GRAMD4: variants seen among roughly 807,000 people sequenced by gnomAD.
The protein encoded by GRAMD4 is GRAM domain containing 4.
Under a neutral mutation model 83.9 loss-of-function variants are expected in GRAMD4, and 25 were observed. That is an observed-to-expected ratio of 0.30 (90% CI 0.22 to 0.42). The LOEUF (loss-of-function observed/expected upper bound fraction) is 0.42. Among genes scored for constraint, GRAMD4 ranks in the 10% least tolerant of loss-of-function variants. GRAMD4 has a pLI of 1.00. For synonymous variants in GRAMD4, 336 were observed against 320.9 expected, an observed-to-expected ratio of 1.05 and a Z score of -0.50; for missense variants, 593 against 788.7, an observed-to-expected ratio of 0.75 and a Z score of 2.97.
At chr22:46,593,967 T>C (rs1035925473) in intron 1 of GRAMD4, among the ~76,000 whole-genome samples, 1 of 151,908 alleles carries the variant, frequency 6.6e-6, no homozygotes, top group Non-Finnish European at 1.5e-5. Context: ...TCAGGTGATC[T>C]GCCCGCCTCG....
intron 1 of GRAMD4, among the ~76,000 whole-genome samples, chr22:46,583,756 G>T (rs1013577538): frequency 6.6e-6 from 1 of 152,082 alleles, no homozygotes; most frequent in Admixed American, 6.5e-5. Context: ...TGTGGCCCGC[G>T]GCTACTGGTG....
intron 4 of GRAMD4, among the ~76,000 whole-genome samples, chr22:46,658,882 A>G (rs1189649004): frequency 6.8e-6 from 1 of 146,066 alleles, no homozygotes; most frequent in African/African-American, 2.6e-5. Flanking sequence ...GCATGTCTGC[A>G]CCTGACATCT....
chr22:46,587,836 A>T (rs2081165665), intron 1 of GRAMD4: 1 of 874,128 alleles, frequency 1.1e-6, no homozygotes, highest in Non-Finnish European at 1.4e-6. Context: ...GGTGGAGAGG[A>T]AGTGAAACAG....
chr22:46,653,227 C>T lies in GRAMD4; in HGVS notation c.284-4960C>T, dbSNP rs138219451. ...GCCCTGTCTGCAAGGCTGAGGGGGC[C>T]GTGCCGCCCGCTGCCCCGGGAGCCA... On this transcript the variant is annotated intron_variant, in intron 3 of 18. Coordinates refer to ENST00000406902, the MANE Select transcript of GRAMD4 (RefSeq NM_015124.5). Among the ~76,000 whole-genome samples, 111 of 152,342 alleles carry T rather than the reference C, an allele frequency of 7.3e-4. 1 individual carries two copies. The highest frequency in any genetic ancestry group is 2.3e-3 in the African/African-American group (97 of 41,578).
chr22:46,590,007 T>C (rs2081191200), intron 1 of GRAMD4, among the ~76,000 whole-genome samples: 1 of 152,232 alleles, frequency 6.6e-6, no homozygotes, highest in East Asian at 1.9e-4. Context: ...TGTCGCCTCC[T>C]GTAACTCCCA....
chr22:46,601,554 T>G (rs2147052373), intron 1 of GRAMD4, among the ~76,000 whole-genome samples: 1 of 152,260 alleles, frequency 6.6e-6, no homozygotes, highest in Non-Finnish European at 1.5e-5. Flanking sequence ...CTCAGCACTT[T>G]GGGAGGCTAA....
intron 9 of GRAMD4, 113 bp downstream of exon 9, chr22:46,665,819 G>C (rs932211184): frequency 4.6e-6 from 3 of 650,442 alleles, no homozygotes; most frequent in Non-Finnish European, 8.4e-6. Flanking sequence ...CTGACGTTTT[G>C]GGGGTGGTCC....
At position 46,626,939 on chromosome 22, in the gene GRAMD4, A is replaced by T; in HGVS notation, c.140A>T (p.Asp47Val). 1 of 1,613,732 alleles carries T rather than the reference A, an allele frequency of 6.2e-7. No homozygotes were observed. Among genetic ancestry groups the T allele is most frequent in the Non-Finnish European group, 8.5e-7 (1 of 1,179,646 alleles). The change falls in exon 2 of 19, where the codon GAC becomes GTC. Residue 47 changes from aspartate (D) to valine (V), a missense_variant. Physicochemically the swap from Asp to Val is radical, Grantham distance 152. Coordinates refer to ENST00000406902, the MANE Select transcript of GRAMD4 (RefSeq NM_015124.5). ...PLKVPRTSPR[D>V]SEELRDPAGP... ...AAGGTACCGCGGACCTCGCCCCGGG[A>T]CAGCGAGGAGCTGAGGGACCCTGTG...
chr22:46,650,373 TGGAGGGCTGGGCGTCGAGGCTGGGA>T (rs2082146682), intron 3 of GRAMD4, among the ~76,000 whole-genome samples: 1 of 125,064 alleles, frequency 8.0e-6, no homozygotes. Flanking sequence ...CGAGGCTGGG[TGGAGGGCTGGGCGTCGAGGCTGGGA>T]GGAGGGCTGA....
Position 46,675,537 on chromosome 22 carries a change from C to G in GRAMD4, c.1548C>G (p.Ile516Met). 7 of 1,610,342 alleles carry G rather than the reference C, an allele frequency of 4.3e-6. No individual in the cohort carries two copies. Among genetic ancestry groups the G allele is most frequent in the Non-Finnish European group, 5.9e-6 (7 of 1,176,780 alleles). Reference protein sequence around the residue: ...KRNKVIKLVDITDIQKYKVLS... With the variant: ...KRNKVIKLVDMTDIQKYKVLS... The stretch of plus-strand genomic sequence containing the variant: ...ACAAAGTCATCAAGCTAGTGGACAT[C>G]ACGGACATCCAGAAGGTTGGTGCAC... The change falls in exon 17 of 19, where the codon ATC becomes ATG. Residue 516 changes from isoleucine (I) to methionine (M), a missense_variant. This residue lies in a region of GRAMD4 where 74 missense variants were observed against 152.7 expected (regional missense o/e 0.48). Coordinates refer to ENST00000406902, the MANE Select transcript of GRAMD4 (RefSeq NM_015124.5).
chr22:46,632,911 C>T (rs749924611), intron 2 of GRAMD4, among the ~76,000 whole-genome samples: 2 of 152,228 alleles, frequency 1.3e-5, no homozygotes, highest in Non-Finnish European at 2.9e-5. Context: ...CGCCTCTGCA[C>T]TGGGCAGAGC....
At chr22:46,646,581 C>T (rs1249609420) in intron 3 of GRAMD4, among the ~76,000 whole-genome samples, 1 of 152,220 alleles carries the variant, frequency 6.6e-6, no homozygotes, top group Admixed American at 6.5e-5. Flanking sequence ...TGCCAGCTCC[C>T]TGCTGGCGGG....
upstream of GRAMD4, among the ~76,000 whole-genome samples, chr22:46,616,557 C>T (rs2081498660): frequency 7.2e-6 from 1 of 139,008 alleles, no homozygotes; most frequent in Non-Finnish European, 1.5e-5. Context: ...TGTGCAGGTT[C>T]CCCTGTGTGT....
chr22:46,673,581 C>T (rs948852429), intron 14 of GRAMD4, 89 bp from the exon 15 acceptor site: 4 of 1,481,674 alleles, frequency 2.7e-6, no homozygotes, highest in Admixed American at 3.8e-5. Context: ...TGGATCCCAG[C>T]TTTTGGGGAG....
upstream of GRAMD4, chr22:46,577,125 G>C (rs2081049251): frequency 1.4e-5 from 3 of 208,306 alleles, no homozygotes; most frequent in Non-Finnish European, 2.4e-5. Context: ...GCGACCTGGC[G>C]CCGCCGCCGC....
chr22:46,673,024 T>A (rs1172437435), intron 14 of GRAMD4, 27 bp downstream of exon 14: 3 of 1,515,624 alleles, frequency 2.0e-6, no homozygotes, highest in African/African-American at 1.5e-5. Flanking sequence ...GCTGCGGGGA[T>A]GGGGGGATGG....
intron 6 of GRAMD4, among the ~76,000 whole-genome samples, chr22:46,663,434 G>C (rs2082360788): frequency 6.6e-6 from 1 of 152,192 alleles, no homozygotes; most frequent in African/African-American, 2.4e-5. Context: ...GACTCATGGG[G>C]CTCAGCCCAC....
At chr22:46,599,057 C>T (rs534934361) in intron 1 of GRAMD4, among the ~76,000 whole-genome samples, 1 of 152,258 alleles carries the variant, frequency 6.6e-6, no homozygotes, top group South Asian at 2.1e-4. Context: ...CTGTGTGACA[C>T]AGAGGCCGTG....
At chr22:46,582,645 G>C (rs2081109457) in intron 1 of GRAMD4, among the ~76,000 whole-genome samples, 1 of 152,186 alleles carries the variant, frequency 6.6e-6, no homozygotes, top group Admixed American at 6.5e-5. Context: ...TGTGGAGTTG[G>C]GTAGGGCCAG....
Sources: gnomAD v4.1 joint callset for allele counts (sites outside exome capture counted in the v4.1 genomes callset) on GRCh38, gnomAD v4.1.1 for gene constraint, gnomAD v4.1.1 regional missense constraint, MANE v1.5 for transcripts, NCBI Gene and HGNC (gene_info 2026-07-23, HGNC 2026-07-21) for gene names.